The following LRRC4C variants were observed in gnomAD, a reference collection of about 807,000 sequenced individuals.
LRRC4C encodes leucine-rich repeat-containing protein 4C.
Under a neutral mutation model 33.6 loss-of-function variants are expected in LRRC4C, and 5 were observed. The ratio of observed to expected loss-of-function variants is 0.15; its 90% confidence interval spans 0.08 to 0.31. The LOEUF is 0.31. LRRC4C is among the 10% of genes least tolerant of loss of function. The pLI, the probability that LRRC4C is intolerant of heterozygous loss-of-function variation, is 1.00. For missense variants in LRRC4C, 560 were observed against 796.7 expected (o/e 0.70, Z 3.58); for synonymous variants, 329 against 302.0 (o/e 1.09, Z -0.93).
intron 1 of LRRC4C, among the ~76,000 whole-genome samples, chr11:40,974,256 A>T (rs1851925833): frequency 6.6e-6 from 1 of 152,126 alleles, no homozygotes; most frequent in Non-Finnish European, 1.5e-5. Flanking sequence ...TTTTCTTATG[A>T]CTAATCTCTC....
At chr11:40,157,950 A>G (rs1858842872) in intron 5 of LRRC4C, among the ~76,000 whole-genome samples, 1 of 152,210 alleles carries the variant, frequency 6.6e-6, no homozygotes. Context: ...TATTTGAAAA[A>G]GATACTTGCA....
chr11:40,523,271 T>C (rs56795054), intron 3 of LRRC4C, among the ~76,000 whole-genome samples: 9,784 of 152,104 alleles, frequency 0.064, 813 homozygotes, highest in African/African-American at 0.2. Context: ...TTGCATTTTA[T>C]TAATGCCTAG....
At chr11:40,484,613 A>G (rs1057140386) in intron 3 of LRRC4C, among the ~76,000 whole-genome samples, 1 of 152,116 alleles carries the variant, frequency 6.6e-6, no homozygotes, top group African/African-American at 2.4e-5. Flanking sequence ...AAATTTAAAG[A>G]CATTTCTGCA....
At chr11:40,394,913 C>A (rs1565346329) in intron 3 of LRRC4C, among the ~76,000 whole-genome samples, 1 of 152,166 alleles carries the variant, frequency 6.6e-6, no homozygotes, top group East Asian at 1.9e-4. Flanking sequence ...TCCTATCAAC[C>A]TTGACGGCCT....
Position 40,723,494 on chromosome 11 carries a change from A to G in LRRC4C, c.-406-75216T>C, listed in dbSNP as rs144418968. 8.6e-4 allele frequency among the ~76,000 whole-genome samples: 131 copies of G among 152,310 alleles called. 1 individual carries two copies. Among genetic ancestry groups the G allele is most frequent in the African/African-American group, 3.1e-3 (129 of 41,572 alleles). ...GAAAGAAATTTCAACCAAAAATTTT[A>G]TATCCTGACAAACGAAGCTTGATAA... On this transcript the variant is annotated intron_variant, in intron 2 of 6. Transcript: ENST00000528697.
chr11:40,611,297 T>C (rs749686856), intron 3 of LRRC4C, among the ~76,000 whole-genome samples: 25 of 151,818 alleles, frequency 1.6e-4, no homozygotes, highest in Non-Finnish European at 4.4e-5. Flanking sequence ...ACCAATGGTG[T>C]TGGAAATACT....
chr11:41,193,984 C>T lies in LRRC4C; in HGVS notation c.-495-260261G>A, dbSNP rs188654373. 1.4e-4 allele frequency among the ~76,000 whole-genome samples: 22 copies of T among 152,070 alleles called. No individual in the cohort carries two copies. In the East Asian group the frequency reaches 3.3e-3, roughly 23 times the overall value. ...CTACTGGTCTTGCCTCCCCTTCCAT[C>T]TCCTCCATCTCTTCTGCCAGTGCCA... On this transcript the variant is annotated intron_variant, in intron 1 of 6. Coordinates refer to ENST00000528697, the MANE Select transcript of LRRC4C (RefSeq NM_001258419.2).
At chr11:40,628,866 AG>A in intron 3 of LRRC4C, among the ~76,000 whole-genome samples, 1 of 152,328 alleles carries the variant, frequency 6.6e-6, no homozygotes. Flanking sequence ...GGAGCATTTA[AG>A]CCTTCAATTA....
chr11:40,148,058 T>C (rs1412885266), intron 5 of LRRC4C, among the ~76,000 whole-genome samples: 1 of 152,198 alleles, frequency 6.6e-6, no homozygotes, highest in Non-Finnish European at 1.5e-5. Flanking sequence ...TCCATGTCCA[T>C]ACTATGGCTG....
chr11:40,414,679 G>A (rs1397779505), intron 3 of LRRC4C, among the ~76,000 whole-genome samples: 1 of 151,946 alleles, frequency 6.6e-6, no homozygotes, highest in Admixed American at 6.6e-5. Context: ...TATAAAAATA[G>A]AAGAAACATT....
intron 3 of LRRC4C, among the ~76,000 whole-genome samples, chr11:40,579,157 T>C (rs1958351644): frequency 6.6e-6 from 1 of 152,052 alleles, no homozygotes; most frequent in Non-Finnish European, 1.5e-5. Context: ...GACAACATGG[T>C]AAAATCCCAT....
At chr11:41,217,560 T>G (rs908277033) in intron 1 of LRRC4C, among the ~76,000 whole-genome samples, 1 of 152,190 alleles carries the variant, frequency 6.6e-6, no homozygotes. Context: ...GAACCAGTAA[T>G]TTTGTTTAGA....
At chr11:40,653,529 A>C (rs1252139495) in intron 2 of LRRC4C, among the ~76,000 whole-genome samples, 2 of 152,226 alleles carry the variant, frequency 1.3e-5, no homozygotes, top group African/African-American at 4.8e-5. Flanking sequence ...GAAATTTCTA[A>C]GCAACAAAGC....
intron 6 of LRRC4C, among the ~76,000 whole-genome samples, chr11:40,135,728 G>A (rs1487928053): frequency 2.0e-5 from 3 of 152,090 alleles, no homozygotes; most frequent in African/African-American, 7.2e-5. Context: ...AAAAGCACGG[G>A]GCTGACAGTC....
At chr11:40,798,756 G>A in intron 2 of LRRC4C, among the ~76,000 whole-genome samples, 1 of 150,496 alleles carries the variant, frequency 6.6e-6, no homozygotes, top group East Asian at 2.0e-4. Context: ...TGATTCTCCT[G>A]CCTCAGCCTC....
At position 41,440,490 on chromosome 11, in the gene LRRC4C, T is replaced by C. The variant is rs574080925; in HGVS notation, c.-496+18941A>G. On this transcript the variant is annotated intron_variant, in intron 1 of 6. Coordinates refer to ENST00000528697, the MANE Select transcript of LRRC4C (RefSeq NM_001258419.2). The stretch of plus-strand genomic sequence containing the variant: ...ATCAAGAGAACTATGTAAGCTTTTT[T>C]AAAAAAAGCACAAATCAAATGACAG... 2.4e-4 allele frequency among the ~76,000 whole-genome samples: 36 copies of C among 152,210 alleles called. No individual in the cohort carries two copies. In the East Asian group the frequency reaches 7.0e-3, roughly 29 times the overall value.
chr11:41,081,010 G>A (rs1190089659), intron 1 of LRRC4C, among the ~76,000 whole-genome samples: 1 of 152,122 alleles, frequency 6.6e-6, no homozygotes, highest in African/African-American at 2.4e-5. Context: ...CATTTTCTGA[G>A]GATTTCTGAA....
At chr11:41,314,059 T>C (rs1228216505) in intron 1 of LRRC4C, among the ~76,000 whole-genome samples, 1 of 152,074 alleles carries the variant, frequency 6.6e-6, no homozygotes, top group Non-Finnish European at 1.5e-5. Context: ...TGGGAATAGA[T>C]TGAGGTAAGG....
rs748483585 is a variant in LRRC4C at position 40,834,911 on chromosome 11, G to GACAGACAGACAGACACACACACAC, written c.-407+98723_-407+98724insGTGTGTGTGTGTCTGTCTGTCTGT. On this transcript the variant is annotated intron_variant, in intron 2 of 6. Transcript: ENST00000528697. ...AGACAGACAGACAGACAGACAGACA[G>GACAGACAGACAGACACACACACAC]ACACACACACACACACACACACACA... 8.7e-4 allele frequency among the ~76,000 whole-genome samples: 74 copies of GACAGACAGACAGACACACACACAC among 84,924 alleles called. 1 individual carries two copies. The highest frequency in any genetic ancestry group is 6.3e-3 in the Middle Eastern group (1 of 160). 55.7% of individuals were successfully genotyped at this position (84,924 alleles called of 152,430 possible). A position where few individuals can be genotyped will look rare whatever the true frequency, so the allele number is the denominator to read the frequency against.
Sources: gnomAD v4.1 joint callset for allele counts (sites outside exome capture counted in the v4.1 genomes callset) on GRCh38, gnomAD v4.1.1 for gene constraint, MANE v1.5 for transcripts, NCBI Gene and HGNC (gene_info 2026-07-23, HGNC 2026-07-21) for gene names.